PHYHIP: variants seen among roughly 807,000 people sequenced by gnomAD.
PHYHIP encodes phytanoyl-CoA hydroxylase-interacting protein.
Under a neutral mutation model 26.1 loss-of-function variants are expected in PHYHIP, and 7 were observed. The observed-to-expected ratio is 0.27, with a 90% CI of 0.15 to 0.50. The LOEUF is 0.50. Among genes scored for constraint, PHYHIP ranks in the 20% least tolerant of loss-of-function variants. PHYHIP has a pLI of 0.98. For missense variants in PHYHIP, 232 were observed against 454.7 expected (o/e 0.51, Z 4.45); for synonymous variants, 206 against 183.4 (o/e 1.12, Z -1.00).
Position 22,224,327 on chromosome 8 carries a change from G to A in PHYHIP, c.357C>T (p.His119=), listed in dbSNP as rs1314932193. Residue 119 remains histidine, a synonymous_variant, in exon 4 of 5, where the codon CAC becomes CAT. Coordinates refer to ENST00000454243, the MANE Select transcript of PHYHIP (RefSeq NM_014759.5). ...CAGCTTTCTCCTGAAGCTGAGCCAG[G>A]TGCTCCTTGGCATAATCTGCAAGAT... ...EFCTGDYAKE[H]LAQLQEKAEQ... is the part of the protein sequence containing the mutation. 1 of 1,606,680 alleles carries A rather than the reference G, an allele frequency of 6.2e-7. No homozygotes were observed. The highest frequency in any genetic ancestry group is 8.5e-7 in the Non-Finnish European group (1 of 1,174,402).
rs530015113 is a variant in PHYHIP, at chr8:22,232,039, A to C, written c.-273T>G. ...GATGTTCCCAGCTGAGCAGCGCAAG[A>C]AGAGAGGCAAGAGCGAAATCAAAGC... On this transcript the variant is annotated 5_prime_UTR_variant, in exon 1 of 5. Coordinates refer to ENST00000454243, the MANE Select transcript of PHYHIP (RefSeq NM_014759.5). The C allele has an allele frequency of 7.8e-5, 12 of 153,730 alleles. No individual in the cohort carries two copies. The East Asian group carries it at 2.3e-3, about 30-fold the overall frequency. The allele number at this position is 153,730 out of a possible 1,614,324, so 9.5% of individuals were successfully genotyped here.
At chr8:22,227,854 G>A (rs576741560) in intron 2 of PHYHIP, among the ~76,000 whole-genome samples, 12 of 152,368 alleles carry the variant, frequency 7.9e-5, no homozygotes, top group Middle Eastern at 3.4e-3. Flanking sequence ...CGAAGCCTGC[G>A]GCCCCACCCT....
At chr8:22,223,052 C>T (rs1829663837) in intron 4 of PHYHIP, among the ~76,000 whole-genome samples, 1 of 152,146 alleles carries the variant, frequency 6.6e-6, no homozygotes, top group East Asian at 1.9e-4. Context: ...GTTAAAACTG[C>T]CCTGACTGTA....
Position 22,221,297 on chromosome 8 carries a change from T to TA in PHYHIP, c.*55dup. 6.7e-7 allele frequency: 1 copy of TA among 1,484,060 alleles called. No homozygotes were observed. Among genetic ancestry groups the TA allele is most frequent in the Non-Finnish European group, 9.0e-7 (1 of 1,107,678 alleles). The allele number at this position is 1,484,060 out of a possible 1,614,324, so 91.9% of individuals were successfully genotyped here. A position where few individuals can be genotyped will look rare whatever the true frequency, so the allele number is the denominator to read the frequency against. On this transcript the variant is annotated 3_prime_UTR_variant, in exon 5 of 5. Transcript: ENST00000454243. The surrounding 1 kb of genome is among the most constrained non-coding windows in gnomAD (Gnocchi z 7.9). The stretch of plus-strand genomic sequence containing the variant: ...GAAAGCCAGCTCCCTGAACCTGGGC[T>TA]ACCCACCTCCACCTTCCGCTCATCT...
At chr8:22,228,155 G>A (rs201964793) in intron 2 of PHYHIP, 38 bp downstream of exon 2, 4 of 1,592,338 alleles carry the variant, frequency 2.5e-6, no homozygotes, top group Non-Finnish European at 3.4e-6. Context: ...TTCAGGAACA[G>A]AAGCTGGGGA....
In PHYHIP at chr8:22,228,364, G is replaced by C. The variant is rs770458458; in HGVS notation, c.-7C>G. On this transcript the variant is annotated 5_prime_UTR_variant, in exon 2 of 5. Transcript: ENST00000454243. ...GCGTGGACAGCAGCTCCATGCTCCC[G>C]TCAGGGTTGTCTCCTGTGGGGACTG... is the stretch of plus-strand genomic sequence containing the variant. 1 of 1,578,678 alleles carries C rather than the reference G, an allele frequency of 6.3e-7. No individual in the cohort carries two copies. Among genetic ancestry groups the C allele is most frequent in the Non-Finnish European group, 8.6e-7 (1 of 1,161,692 alleles).
At chr8:22,228,589 T>G in intron 1 of PHYHIP, 1 of 481,440 alleles carries the variant, frequency 2.1e-6, no homozygotes, top group Non-Finnish European at 3.7e-6. Flanking sequence ...GGGGGCTCTT[T>G]GCTCTCCTCG....
At chr8:22,224,905 A>G (rs1829711753) in intron 3 of PHYHIP, among the ~76,000 whole-genome samples, 1 of 152,130 alleles carries the variant, frequency 6.6e-6, no homozygotes, top group Admixed American at 6.5e-5. Context: ...CTCAGGAGAA[A>G]CAGGGAAGGC....
intron 2 of PHYHIP, chr8:22,227,667 A>G (rs948973947): frequency 2.2e-6 from 1 of 453,586 alleles, no homozygotes; most frequent in Non-Finnish European, 4.4e-6. Flanking sequence ...ACTCTCTCCC[A>G]TTCCTTTTCT....
Position 22,227,057 on chromosome 8 carries a change from C to A in PHYHIP, c.166-32G>T, listed in dbSNP as rs137993690. The A allele has an allele frequency of 1.4e-5, 22 of 1,578,808 alleles. No individual in the cohort carries two copies. The South Asian group carries it at 2.2e-4, about 16-fold the overall frequency. On this transcript the variant is annotated intron_variant, in intron 2 of 4. Coordinates refer to ENST00000454243, the MANE Select transcript of PHYHIP (RefSeq NM_014759.5). Reference sequence around the variant, plus strand: ...AACAGGGTACAAACAGAGAGCCAGGCGTCAAACAGGGGTTCATGCCCAATC... The same window carrying A: ...AACAGGGTACAAACAGAGAGCCAGGAGTCAAACAGGGGTTCATGCCCAATC...
At chr8:22,228,069 C>G (rs903552596) in intron 2 of PHYHIP, 124 bp downstream of exon 2, 17 of 787,240 alleles carry the variant, frequency 2.2e-5, no homozygotes, top group African/African-American at 1.2e-4. Flanking sequence ...CAAAATGACA[C>G]AGGAAGAAGA....
At chr8:22,227,697 C>T (rs751473905) in intron 2 of PHYHIP, 5 of 456,596 alleles carry the variant, frequency 1.1e-5, no homozygotes, top group South Asian at 6.2e-5. Context: ...AAATGGCAGG[C>T]CAGCAGGTGA....
Position 22,221,300 on chromosome 8 carries a change from C to G in PHYHIP, c.*53G>C. ...AGCCAGCTCCCTGAACCTGGGCTAC[C>G]CACCTCCACCTTCCGCTCATCTCTC... On this transcript the variant is annotated 3_prime_UTR_variant, in exon 5 of 5. Coordinates refer to ENST00000454243, the MANE Select transcript of PHYHIP (RefSeq NM_014759.5). The surrounding 1 kb of genome is among the most constrained non-coding windows in gnomAD (Gnocchi z 7.9). 5 of 1,493,628 alleles carry G rather than the reference C, an allele frequency of 3.3e-6. No homozygotes were observed. The highest frequency in any genetic ancestry group is 3.6e-6 in the Non-Finnish European group (4 of 1,115,410). 92.5% of individuals were successfully genotyped at this position (1,493,628 alleles called of 1,614,324 possible).
At chr8:22,225,655 A>AAAT (rs386412287) in intron 3 of PHYHIP, among the ~76,000 whole-genome samples, 1 of 150,938 alleles carries the variant, frequency 6.6e-6, no homozygotes, top group African/African-American at 2.4e-5. Context: ...AAAAAAAAAA[A>AAAT]ATAGCCAGGC....
rs1397417375 is a variant in PHYHIP, at chr8:22,221,860, A to G, written c.486T>C (p.Pro162=). The stretch of plus-strand genomic sequence containing the variant: ...GGCTGCCACTGTTGTCCTTCAGGTA[A>G]GGCTGCAGCATGTTCCCGCAGTGGG... ...ARTHCGNMLQ[P]YLKDNSGSHG... Residue 162 remains proline (P), a synonymous_variant, in exon 5 of 5, where the codon CCT becomes CCC. Transcript: ENST00000454243. The surrounding 1 kb of genome is among the most constrained non-coding windows in gnomAD (Gnocchi z 7.9). 1 of 1,548,980 alleles carries G rather than the reference A, an allele frequency of 6.5e-7. No individual in the cohort carries two copies. Among genetic ancestry groups the G allele is most frequent in the South Asian group, 1.2e-5 (1 of 83,488 alleles).
Position 22,228,363 on chromosome 8 carries a change from C to A in PHYHIP, c.-6G>T. ...GGCGTGGACAGCAGCTCCATGCTCC[C>A]GTCAGGGTTGTCTCCTGTGGGGACT... On this transcript the variant is annotated 5_prime_UTR_variant, in exon 2 of 5. Coordinates refer to ENST00000454243, the MANE Select transcript of PHYHIP (RefSeq NM_014759.5). 1 of 1,581,280 alleles carries A rather than the reference C, an allele frequency of 6.3e-7. No homozygotes were observed. Among genetic ancestry groups the A allele is most frequent in the East Asian group, 2.3e-5 (1 of 43,598 alleles).
Position 22,221,510 on chromosome 8 carries a change from G to A in PHYHIP, c.836C>T (p.Ala279Val). The change falls in exon 5 of 5, where the codon GCC becomes GTC. Residue 279 changes from alanine to valine, a missense_variant. Coordinates refer to ENST00000454243, the MANE Select transcript of PHYHIP (RefSeq NM_014759.5). The surrounding 1 kb of genome is among the most constrained non-coding windows in gnomAD (Gnocchi z 7.9). ...GATGATCTCCAGGATGAGGTCCTGG[G>A]CGTGGCGGAAGACCAGCTCCCCATC... ...VEDGELVFRHAQDLILEIIYT... is the reference protein window; with the variant it reads ...VEDGELVFRHVQDLILEIIYT... 1 of 1,613,990 alleles carries A rather than the reference G, an allele frequency of 6.2e-7. No individual in the cohort carries two copies. Among genetic ancestry groups the A allele is most frequent in the Non-Finnish European group, 8.5e-7 (1 of 1,179,958 alleles).
At chr8:22,224,108 T>C (rs1829691966) in intron 4 of PHYHIP, 118 bp downstream of exon 4, 4 of 709,986 alleles carry the variant, frequency 5.6e-6, no homozygotes, top group African/African-American at 3.5e-5. Context: ...ATGTCAACCC[T>C]AGAGGAGGGA....
intron 1 of PHYHIP, among the ~76,000 whole-genome samples, chr8:22,230,707 T>G (rs76361343): frequency 3.3e-5 from 5 of 151,988 alleles, no homozygotes; most frequent in Admixed American, 6.5e-5. Flanking sequence ...CCTCCGCAGA[T>G]GTCCTCACTC....
Sources: gnomAD v4.1 joint callset for allele counts (sites outside exome capture counted in the v4.1 genomes callset) on GRCh38, gnomAD v4.1.1 for gene constraint, Gnocchi (gnomAD v3.1) non-coding constraint, MANE v1.5 for transcripts, NCBI Gene and HGNC (gene_info 2026-07-23, HGNC 2026-07-21) for gene names.